Variants in DPH6 observed in about 807,000 individuals in gnomAD.
The protein encoded by DPH6 is diphthamine biosynthesis 6.
DPH6 carries 33 observed loss-of-function variants against 38.2 expected under a neutral mutation model. That is an observed-to-expected ratio of 0.86 (90% CI 0.65 to 1.15). The LOEUF (loss-of-function observed/expected upper bound fraction) is 1.15, where lower values mean the gene tolerates loss of function less well. DPH6 is among the 50% of genes most tolerant of loss of function. The pLI is 0.00. For missense variants in DPH6, 325 were observed against 320.0 expected (o/e 1.02, Z -0.12); for synonymous variants, 108 against 103.0 (o/e 1.05, Z -0.30).
At chr15:35,380,875 A>G (rs1045684396) in intron 7 of DPH6, among the ~76,000 whole-genome samples, 4 of 152,218 alleles carry the variant, frequency 2.6e-5, no homozygotes, top group Admixed American at 6.5e-5. Context: ...TGTAATAGGT[A>G]CTTGATGAGT....
chr15:35,283,287 C>T (rs978671740), intron 3 of DPH6, among the ~76,000 whole-genome samples: 4 of 149,898 alleles, frequency 2.7e-5, no homozygotes, highest in African/African-American at 7.5e-5. Flanking sequence ...TCCTCTTCTT[C>T]TTCCTCCTCC....
chr15:35,201,818 C>A, the DPH6 span, among the ~76,000 whole-genome samples: 3 of 151,380 alleles, frequency 2.0e-5, no homozygotes, highest in African/African-American at 4.8e-5. Flanking sequence ...TTAATTAATT[C>A]TTTTCAGTAC....
chr15:35,310,594 C>T (rs1047177444), intron 3 of DPH6, among the ~76,000 whole-genome samples: 1 of 152,030 alleles, frequency 6.6e-6, no homozygotes, highest in Non-Finnish European at 1.5e-5. Flanking sequence ...ATATGAATGC[C>T]TTTTAGAACT....
chr15:35,393,528 T>C (rs111489819), intron 6 of DPH6, among the ~76,000 whole-genome samples: 21 of 152,284 alleles, frequency 1.4e-4, no homozygotes, highest in Middle Eastern at 3.4e-3. Context: ...AAGGGTATGA[T>C]CTAATGGCAA....
chr15:35,403,035 A>G (rs556774219), intron 6 of DPH6, among the ~76,000 whole-genome samples: 18 of 152,252 alleles, frequency 1.2e-4, no homozygotes, highest in Admixed American at 3.3e-4. Flanking sequence ...AGGAAAATGA[A>G]CATGGCATGT....
chr15:35,508,788 C>T (rs923732029), intron 3 of DPH6, among the ~76,000 whole-genome samples: 2 of 152,050 alleles, frequency 1.3e-5, no homozygotes, highest in Non-Finnish European at 2.9e-5. Context: ...AAGACCATCC[C>T]TTTAGGGAGA....
At chr15:35,482,592 G>T (rs536988531) in intron 3 of DPH6, among the ~76,000 whole-genome samples, 2 of 152,230 alleles carry the variant, frequency 1.3e-5, no homozygotes, top group South Asian at 4.1e-4. Context: ...TTTTGACAAA[G>T]GTTCCAAGGC....
At chr15:35,328,807 G>T (rs552499551), downstream of DPH6, among the ~76,000 whole-genome samples, 15 of 152,308 alleles carry the variant, frequency 9.8e-5, no homozygotes, top group South Asian at 3.1e-3. Context: ...AGACTGGGCA[G>T]TTTACAAAAG....
intron 3 of DPH6, among the ~76,000 whole-genome samples, chr15:35,534,343 C>G (rs953010917): frequency 2.7e-5 from 4 of 146,144 alleles, no homozygotes; most frequent in Non-Finnish European, 5.9e-5. Context: ...TGCCATTGCT[C>G]TCCAGCCTGG....
chr15:35,301,216 C>A (rs1313654608), intron 3 of DPH6, among the ~76,000 whole-genome samples: 4 of 152,124 alleles, frequency 2.6e-5, no homozygotes, highest in Non-Finnish European at 5.9e-5. Flanking sequence ...TAATAGGTAA[C>A]CATGACTTTG....
At chr15:35,485,813 T>TA (rs1263348466) in intron 3 of DPH6, among the ~76,000 whole-genome samples, 1 of 152,228 alleles carries the variant, frequency 6.6e-6, no homozygotes, top group Non-Finnish European at 1.5e-5. Flanking sequence ...ATTATGGTGA[T>TA]ATGATGAGTA....
At position 35,389,268 on chromosome 15, in the gene DPH6, G is replaced by T. The variant is rs531200378; in HGVS notation, c.568-7352C>A. ...GGAGTGCTTTACTTCCAACTATGTGGTCAATTTTGGAATAGGTGTGGTGTG... is the reference window on the plus strand; with the variant it reads ...GGAGTGCTTTACTTCCAACTATGTGTTCAATTTTGGAATAGGTGTGGTGTG... On this transcript the variant is annotated intron_variant, in intron 6 of 8. Transcript: ENST00000256538. Among the ~76,000 whole-genome samples the T allele has an allele frequency of 2.9e-3, 448 of 152,214 alleles. 1 individual carries two copies. Among genetic ancestry groups the T allele is most frequent in the African/African-American group, 9.9e-3 (412 of 41,532 alleles).
At chr15:35,496,567 A>AAAAAAAAAAAAATATATATATATATAT in intron 3 of DPH6, among the ~76,000 whole-genome samples, 1 of 31,012 alleles carries the variant, frequency 3.2e-5, no homozygotes, top group Non-Finnish European at 5.3e-5. Context: ...AAAAAAAAAA[A>AAAAAAAAAAAAATATATATATATATAT]ATATATATAT....
chr15:35,480,978 TAA>T (rs11332940), intron 3 of DPH6, among the ~76,000 whole-genome samples: 71 of 150,092 alleles, frequency 4.7e-4, no homozygotes, highest in East Asian at 9.7e-4. Context: ...GGGTATTCTT[TAA>T]AAAAAAAAAA....
intron 5 of DPH6, among the ~76,000 whole-genome samples, chr15:35,444,595 T>A (rs2053827041): frequency 6.6e-6 from 1 of 152,178 alleles, no homozygotes; most frequent in Non-Finnish European, 1.5e-5. Context: ...CAATGAATCT[T>A]TAAAAACAAC....
Position 35,381,909 on chromosome 15 carries a change from T to G in DPH6, c.575A>C (p.Lys192Thr). The G allele has an allele frequency of 6.2e-7, 1 of 1,609,814 alleles. No individual in the cohort carries two copies. Among genetic ancestry groups the G allele is most frequent in the Non-Finnish European group, 8.5e-7 (1 of 1,178,542 alleles). Residue 192 changes from lysine (K) to threonine (T), a missense_variant, in exon 7 of 9, where the codon AAG (lysine) becomes ACG (threonine). Physicochemically the swap from Lys to Thr is moderately conservative, Grantham distance 78 (BLOSUM62 -1). Coordinates refer to ENST00000256538, the MANE Select transcript of DPH6 (RefSeq NM_080650.4). ...TCCACAAACATGTACTCCATACTTC[T>G]TAGAAAGCTGAAAATAGGAAAACAC... ...QMEPYLIELS[K>T]KYGVHVCGEG...
chr15:35,485,807 T>C (rs1182375431), intron 3 of DPH6, among the ~76,000 whole-genome samples: 1 of 152,244 alleles, frequency 6.6e-6, no homozygotes, highest in Non-Finnish European at 1.5e-5. Flanking sequence ...ATTTGGATTA[T>C]GGTGATATGA....
intron 6 of DPH6, among the ~76,000 whole-genome samples, chr15:35,387,838 G>T (rs567727446): frequency 1.4e-4 from 22 of 151,974 alleles, no homozygotes; most frequent in African/African-American, 4.3e-4. Context: ...CTTTATTTCC[G>T]TCTCCTGCCT....
chr15:35,237,996 TC>T, intron 3 of DPH6: 1 of 1,484,704 alleles, frequency 6.7e-7, no homozygotes, highest in South Asian at 1.1e-5. Flanking sequence ...GAAGAAGAGC[TC>T]CGTGAAGAAG....
Sources: allele counts gnomAD v4.1 joint callset (sites outside exome capture counted in the v4.1 genomes callset), GRCh38; gene constraint gnomAD v4.1.1; transcripts MANE v1.5; gene names NCBI Gene and HGNC (gene_info 2026-07-23, HGNC 2026-07-21).